Variants in CDH22 observed in about 807,000 individuals in gnomAD.
CDH22 encodes cadherin-22.
Under a neutral mutation model 58.4 loss-of-function variants are expected in CDH22, and 30 were observed. The observed-to-expected ratio is 0.51, with a 90% CI of 0.38 to 0.70. The LOEUF (loss-of-function observed/expected upper bound fraction) is 0.70, where lower values mean the gene tolerates loss of function less well. Ranked by LOEUF, CDH22 falls within the 30% of genes least tolerant of loss-of-function variation. The pLI, the probability that CDH22 is intolerant of heterozygous loss-of-function variation, is 0.00. For synonymous variants in CDH22, 513 were observed against 558.2 expected (o/e 0.92, Z 1.14); for missense variants, 1,014 against 1,233.9 (o/e 0.82, Z 2.67).
At chr20:46,263,228 C>T (rs781380214) in intron 1 of CDH22, among the ~76,000 whole-genome samples, 9 of 152,256 alleles carry the variant, frequency 5.9e-5, no homozygotes, top group Admixed American at 3.3e-4. Flanking sequence ...AATGGATGAA[C>T]GGAAGGACAC....
chr20:46,291,787 A>T (rs2086604745), intron 1 of CDH22, among the ~76,000 whole-genome samples: 1 of 152,206 alleles, frequency 6.6e-6, no homozygotes, highest in Non-Finnish European at 1.5e-5. Context: ...GCCATATCTG[A>T]TCTTCACAAA....
At chr20:46,233,121 C>T (rs2086230758) in intron 3 of CDH22, among the ~76,000 whole-genome samples, 1 of 152,084 alleles carries the variant, frequency 6.6e-6, no homozygotes, top group African/African-American at 2.4e-5. Flanking sequence ...ACATATGGAG[C>T]AGGAAGAGGG....
chr20:46,177,890 C>T (rs1007971464), intron 11 of CDH22, 56 bp downstream of exon 11: 3 of 1,590,028 alleles, frequency 1.9e-6, no homozygotes, highest in African/African-American at 2.7e-5. Context: ...GAAGGAAACC[C>T]AGGACGCCAG....
At chr20:46,218,587 C>A (rs2086102271) in intron 4 of CDH22, among the ~76,000 whole-genome samples, 1 of 152,180 alleles carries the variant, frequency 6.6e-6, no homozygotes, top group Non-Finnish European at 1.5e-5. Flanking sequence ...CTCATAGCTA[C>A]CACCTCACAT....
At chr20:46,273,162 T>C (rs1190968397) in intron 1 of CDH22, among the ~76,000 whole-genome samples, 1 of 152,292 alleles carries the variant, frequency 6.6e-6, no homozygotes, top group African/African-American at 2.4e-5. Flanking sequence ...TGAACTTGGA[T>C]TTCAATTCCC....
Position 46,199,309 on chromosome 20 carries a change from G to T in CDH22, c.1423+114C>A. 2.4e-6 allele frequency: 3 copies of T among 1,272,402 alleles called. No individual in the cohort carries two copies. The South Asian group carries it at 4.5e-5, about 19-fold the overall frequency. The allele number at this position is 1,272,402 out of a possible 1,614,324, so 78.8% of individuals were successfully genotyped here. A position where few individuals can be genotyped will look rare whatever the true frequency, so the allele number is the denominator to read the frequency against. ...CCCCAACCTTTGGCCCCTCCCCCGT[G>T]GGCTTTGACTGACAGGGCTGCCTTG... On this transcript the variant is annotated intron_variant, in intron 8 of 11. Transcript: ENST00000537909.
chr20:46,251,750 GA>G lies in CDH22; in HGVS notation c.-399-58del, dbSNP rs1210771748. Reference sequence around the variant, plus strand: ...CTTCTGTGTAGGGGGAGGGCAAGTTGAGTCTATCTTTCCTCTTGTAGGTACT... The same window carrying G: ...CTTCTGTGTAGGGGGAGGGCAAGTTGGTCTATCTTTCCTCTTGTAGGTACT... On this transcript the variant is annotated intron_variant, in intron 1 of 11. Coordinates refer to ENST00000537909, the MANE Select transcript of CDH22 (RefSeq NM_021248.3). The surrounding 1 kb of genome is among the most constrained non-coding windows in gnomAD (Gnocchi z 6.7). The G allele has an allele frequency of 1.9e-5, 3 of 154,140 alleles. No homozygotes were observed. Among genetic ancestry groups the G allele is most frequent in the Admixed American group, 1.3e-4 (2 of 15,328 alleles). The allele number at this position is 154,140 out of a possible 1,614,324, so 9.5% of individuals were successfully genotyped here.
chr20:46,264,907 C>T (rs546669010), intron 1 of CDH22, among the ~76,000 whole-genome samples: 21 of 151,754 alleles, frequency 1.4e-4, no homozygotes, highest in African/African-American at 4.3e-4. Context: ...ACACACCGTG[C>T]GCACACACAC....
At position 46,237,315 on chromosome 20, in the gene CDH22, GC is replaced by G. The variant is rs1207204390; in HGVS notation, c.550+3647del. Among the ~76,000 whole-genome samples the G allele has an allele frequency of 9.2e-5, 14 of 152,088 alleles. 1 individual carries two copies. Among genetic ancestry groups the G allele is most frequent in the African/African-American group, 2.4e-5 (1 of 41,414 alleles). Reference sequence around the variant, plus strand: ...TGCTCAGAAGCGTGGCTCATCGGAGGCCCCCCGGCACACTTCCCTTCCCTTT... The same window carrying G: ...TGCTCAGAAGCGTGGCTCATCGGAGGCCCCCGGCACACTTCCCTTCCCTTT... On this transcript the variant is annotated intron_variant, in intron 3 of 11. Transcript: ENST00000537909.
chr20:46,211,161 G>C (rs927942844), intron 6 of CDH22, among the ~76,000 whole-genome samples: 24 of 152,206 alleles, frequency 1.6e-4, no homozygotes, highest in Admixed American at 3.9e-4. Flanking sequence ...TTCTTATCGG[G>C]GGGTGCTAAT....
chr20:46,243,824 A>G (rs2086309786), intron 2 of CDH22, among the ~76,000 whole-genome samples: 1 of 152,194 alleles, frequency 6.6e-6, no homozygotes, highest in Non-Finnish European at 1.5e-5. Flanking sequence ...TAACAGCTAT[A>G]ATCTTACTAG....
chr20:46,208,467 C>T (rs1264306551), intron 7 of CDH22, among the ~76,000 whole-genome samples: 2 of 152,172 alleles, frequency 1.3e-5, no homozygotes, highest in East Asian at 3.8e-4. Flanking sequence ...CTCCTGTCCT[C>T]TTTTTATGGG....
At chr20:46,304,999 C>T (rs1441030117) in intron 1 of CDH22, among the ~76,000 whole-genome samples, 1 of 152,206 alleles carries the variant, frequency 6.6e-6, no homozygotes, top group African/African-American at 2.4e-5. Context: ...TCTCCTCCTG[C>T]ATTAAATGCC....
At chr20:46,205,677 G>A (rs2085997359) in intron 7 of CDH22, among the ~76,000 whole-genome samples, 1 of 152,092 alleles carries the variant, frequency 6.6e-6, no homozygotes, top group African/African-American at 2.4e-5. Flanking sequence ...CTGAGAGGTG[G>A]GCCCATCTGA....
intron 1 of CDH22, among the ~76,000 whole-genome samples, chr20:46,296,565 T>C (rs1214808803): frequency 6.6e-6 from 1 of 152,156 alleles, no homozygotes; most frequent in Non-Finnish European, 1.5e-5. Context: ...TGAGATTGAA[T>C]AGATGTGAGG....
intron 2 of CDH22, among the ~76,000 whole-genome samples, chr20:46,248,422 G>A (rs1427843184): frequency 6.6e-6 from 1 of 152,170 alleles, no homozygotes; most frequent in Admixed American, 6.5e-5. Context: ...CTGTCTCCAG[G>A]GTTTTCCTGG....
intron 3 of CDH22, among the ~76,000 whole-genome samples, chr20:46,230,172 G>T (rs1458791536): frequency 6.6e-6 from 1 of 151,990 alleles, no homozygotes; most frequent in African/African-American, 2.4e-5. Context: ...AGCTACTGTG[G>T]GACCACCTTG....
chr20:46,226,294 T>TC lies in CDH22; in HGVS notation c.670+1213_670+1214insG, dbSNP rs1021447206. Among the ~76,000 whole-genome samples, 6 of 139,012 alleles carry TC rather than the reference T, an allele frequency of 4.3e-5. No individual in the cohort carries two copies. The East Asian group carries it at 6.3e-4, about 15-fold the overall frequency. The allele number at this position is 139,012 out of a possible 152,430, so 91.2% of individuals were successfully genotyped here. A position where few individuals can be genotyped will look rare whatever the true frequency, so the allele number is the denominator to read the frequency against. On this transcript the variant is annotated intron_variant, in intron 4 of 11. Coordinates refer to ENST00000537909, the MANE Select transcript of CDH22 (RefSeq NM_021248.3). ...TTCTTCTTCTTCTTCTTCTTCTTCT[T>TC]TTTTTTTTTGAGACAGGGTCTTGCT...
chr20:46,279,719 C>A (rs1167202497), intron 1 of CDH22, among the ~76,000 whole-genome samples: 1 of 152,200 alleles, frequency 6.6e-6, no homozygotes, highest in Non-Finnish European at 1.5e-5. Context: ...GAAGGGACTT[C>A]AGCTTCATCG....
Sources: gnomAD v4.1 joint callset for allele counts (sites outside exome capture counted in the v4.1 genomes callset) on GRCh38, gnomAD v4.1.1 for gene constraint, Gnocchi (gnomAD v3.1) non-coding constraint, MANE v1.5 for transcripts, NCBI Gene and HGNC (gene_info 2026-07-23, HGNC 2026-07-21) for gene names.